The following GPHN variants were observed in gnomAD, a reference collection of about 807,000 sequenced individuals.
The protein encoded by GPHN is gephyrin.
GPHN carries 17 observed loss-of-function variants against 95.5 expected under a neutral mutation model. That is an observed-to-expected ratio of 0.18 (90% CI 0.12 to 0.27). The LOEUF (loss-of-function observed/expected upper bound fraction) is 0.27, where lower values mean the gene tolerates loss of function less well. Ranked by LOEUF, GPHN falls within the 10% of genes least tolerant of loss-of-function variation. The pLI, the probability that GPHN is intolerant of heterozygous loss-of-function variation, is 1.00. For missense variants in GPHN, 660 were observed against 978.1 expected (o/e 0.67, Z 4.34); for synonymous variants, 320 against 322.5 (o/e 0.99, Z 0.08).
At chr14:66,823,166 C>T (rs1293270203) in intron 3 of GPHN, 1 of 152,090 alleles carries the variant, frequency 6.6e-6, no homozygotes, top group Non-Finnish European at 1.5e-5. Flanking sequence ...CATGCTTGGC[C>T]AATTTTTGTA....
At chr14:66,843,022 C>T (rs2062159495) in intron 4 of GPHN, among the ~76,000 whole-genome samples, 1 of 152,098 alleles carries the variant, frequency 6.6e-6, no homozygotes, top group Admixed American at 6.6e-5. Context: ...CTCATCTTTT[C>T]CTGAATGGTG....
intron 11 of GPHN, among the ~76,000 whole-genome samples, chr14:67,071,410 A>T (rs1003561014): frequency 1.3e-5 from 2 of 151,152 alleles, no homozygotes; most frequent in African/African-American, 4.9e-5. Context: ...GCATGTTCTC[A>T]CTCATAGGTG....
intron 17 of GPHN, among the ~76,000 whole-genome samples, chr14:67,134,962 T>C (rs1019846295): frequency 1.6e-5 from 2 of 126,528 alleles, no homozygotes; most frequent in Non-Finnish European, 1.7e-5. Context: ...TCTTTTTTTT[T>C]TTTTTTTTTT....
At chr14:66,671,147 A>T (rs1297437436) in intron 1 of GPHN, among the ~76,000 whole-genome samples, 1 of 152,172 alleles carries the variant, frequency 6.6e-6, no homozygotes, top group African/African-American at 2.4e-5. Flanking sequence ...GAAAATTGTT[A>T]TTGGCACATA....
At chr14:66,862,845 T>C (rs2063081019) in intron 4 of GPHN, among the ~76,000 whole-genome samples, 1 of 152,092 alleles carries the variant, frequency 6.6e-6, no homozygotes, top group Non-Finnish European at 1.5e-5. Flanking sequence ...AAGAGCTATA[T>C]GCAGCAGACC....
chr14:67,473,195 AC>A, the GPHN span: 2 of 595,200 alleles, frequency 3.4e-6, no homozygotes, highest in Non-Finnish European at 5.8e-6. This position sits in a 1 kb window ranked among gnomAD's most constrained non-coding sequence, Gnocchi z 6.5. Context: ...CGATCCATGG[AC>A]CCTTCCCAAT....
At chr14:67,164,430 A>G (rs140366402) in intron 19 of GPHN, among the ~76,000 whole-genome samples, 1 of 152,292 alleles carries the variant, frequency 6.6e-6, no homozygotes, top group Non-Finnish European at 1.5e-5. Context: ...GATTGAAAGA[A>G]AAAGGTTAAA....
chr14:67,259,661 A>C, the GPHN span, among the ~76,000 whole-genome samples: 1 of 152,050 alleles, frequency 6.6e-6, no homozygotes, highest in Non-Finnish European at 1.5e-5. Context: ...CTGTAATCCC[A>C]GCGCCCTGAG....
At chr14:67,008,324 T>C (rs1298469406) in intron 9 of GPHN, among the ~76,000 whole-genome samples, 1 of 151,534 alleles carries the variant, frequency 6.6e-6, no homozygotes, top group East Asian at 2.0e-4. Context: ...GGTGTGGTGG[T>C]GCGTGCCTGT....
At chr14:67,564,781 C>T in the GPHN span, among the ~76,000 whole-genome samples, 2 of 150,050 alleles carry the variant, frequency 1.3e-5, no homozygotes, top group Admixed American at 6.6e-5. Flanking sequence ...CTCAACTTCC[C>T]GGGCTCAAGC....
intron 5 of GPHN, among the ~76,000 whole-genome samples, chr14:66,902,649 A>G (rs1046558985): frequency 3.3e-5 from 5 of 152,050 alleles, no homozygotes; most frequent in African/African-American, 9.7e-5. Context: ...TCTTGGTTCT[A>G]TTAATGTAGC....
the GPHN span, chr14:67,662,520 A>G: frequency 6.2e-7 from 1 of 1,611,338 alleles, no homozygotes; most frequent in Non-Finnish European, 8.5e-7. Context: ...ATCCCTGATC[A>G]ATTTCTTCTT....
chr14:66,631,467 T>A (rs2063807276), intron 1 of GPHN, among the ~76,000 whole-genome samples: 1 of 152,200 alleles, frequency 6.6e-6, no homozygotes, highest in African/African-American at 2.4e-5. Flanking sequence ...CCTCACTAGG[T>A]CTTTCTTTGC....
chr14:67,162,932 G>A (rs1377087455), intron 19 of GPHN, among the ~76,000 whole-genome samples: 1 of 152,130 alleles, frequency 6.6e-6, no homozygotes, highest in African/African-American at 2.4e-5. Context: ...CATATAAACT[G>A]GGATTCTAAT....
intron 2 of GPHN, among the ~76,000 whole-genome samples, chr14:66,685,769 A>C (rs2067313016): frequency 6.6e-6 from 1 of 152,058 alleles, no homozygotes. Context: ...CCATTTGTCA[A>C]TTTTGCTTAT....
chr14:67,127,017 G>A lies in GPHN; in HGVS notation c.1748+4640G>A, dbSNP rs1290685877. On this transcript the variant is annotated intron_variant, in intron 17 of 22. Transcript: ENST00000478722. The stretch of plus-strand genomic sequence containing the variant: ...AAGGACAAAAAACCAAACACCGCAT[G>A]TTCTCACTCATAGGTGGGAATTGAA... Among the ~76,000 whole-genome samples, 18 of 149,652 alleles carry A rather than the reference G, an allele frequency of 1.2e-4. No homozygotes were observed. In the South Asian group the frequency reaches 3.8e-3, roughly 32 times the overall value.
intron 1 of GPHN, among the ~76,000 whole-genome samples, chr14:66,599,392 A>ATTTTCTTTTTTTTTTTTTTTTTTTTTTTT (rs2062126307): frequency 1.3e-5 from 1 of 76,524 alleles, no homozygotes; most frequent in African/African-American, 7.2e-5. Flanking sequence ...TTTTTTTTGC[A>ATTTTCTTTTTTTTTTTTTTTTTTTTTTTT]TTTTTTTTTT....
At chr14:66,747,884 A>T (rs963126337) in intron 2 of GPHN, among the ~76,000 whole-genome samples, 2 of 152,098 alleles carry the variant, frequency 1.3e-5, no homozygotes, top group African/African-American at 2.4e-5. Flanking sequence ...TTAAATGCCA[A>T]ATTATTTACT....
the GPHN span, chr14:67,347,347 CA>C: frequency 7.4e-7 from 1 of 1,354,926 alleles, no homozygotes; most frequent in Non-Finnish European, 1.0e-6. Context: ...GAACTTAGTT[CA>C]TTTAAAGAGG....
Sources: gnomAD v4.1 joint callset for allele counts (sites outside exome capture counted in the v4.1 genomes callset) on GRCh38, gnomAD v4.1.1 for gene constraint, Gnocchi (gnomAD v3.1) non-coding constraint, MANE v1.5 for transcripts, NCBI Gene and HGNC (gene_info 2026-07-23, HGNC 2026-07-21) for gene names.